Variants in RORB observed in about 807,000 individuals in gnomAD.
RORB encodes the protein nuclear receptor ROR-beta.
In RORB, 6 loss-of-function variants were observed where a neutral mutation model predicts 59.1. The ratio of observed to expected loss-of-function variants is 0.10; its 90% CI spans 0.06 to 0.20. RORB has a LOEUF of 0.20. Among genes scored for constraint, RORB ranks in the 10% least tolerant of loss-of-function variants. RORB has a pLI of 1.00. For synonymous variants in RORB, 215 were observed against 204.5 expected, an observed-to-expected ratio of 1.05 and a Z score of -0.44; for missense variants, 320 against 560.5, an observed-to-expected ratio of 0.57 and a Z score of 4.33.
At chr9:74,668,809 C>A (rs1301510053) in intron 8 of RORB, among the ~76,000 whole-genome samples, 32 of 152,118 alleles carry the variant, frequency 2.1e-4, no homozygotes, top group Admixed American at 2.0e-3. Flanking sequence ...GAAGGAAAAT[C>A]TTCATATAAC....
chr9:74,679,636 C>T (rs1415089448), intron 9 of RORB, among the ~76,000 whole-genome samples: 1 of 152,056 alleles, frequency 6.6e-6, no homozygotes, highest in African/African-American at 2.4e-5. Flanking sequence ...TGGCAGGTTT[C>T]GTTGAGGAAC....
At chr9:74,628,907 T>C (rs1459878695) in intron 1 of RORB, among the ~76,000 whole-genome samples, 2 of 152,156 alleles carry the variant, frequency 1.3e-5, no homozygotes, top group Non-Finnish European at 2.9e-5. Context: ...AAAATCATCT[T>C]ACCAAGAGGT....
At chr9:74,660,795 C>G (rs574546559) in intron 5 of RORB, 57 bp downstream of exon 5, 5 of 1,553,862 alleles carry the variant, frequency 3.2e-6, no homozygotes, top group Non-Finnish European at 3.5e-6. Flanking sequence ...CTGTGTTGCT[C>G]AAGCTCAGCA....
At chr9:74,621,042 A>C (rs1272934318) in intron 1 of RORB, among the ~76,000 whole-genome samples, 2 of 152,234 alleles carry the variant, frequency 1.3e-5, no homozygotes, top group Admixed American at 6.5e-5. Context: ...CTGTGCACTC[A>C]CCAACCCCCC....
intron 1 of RORB, among the ~76,000 whole-genome samples, chr9:74,538,454 T>G (rs1314234780): frequency 6.6e-6 from 1 of 152,096 alleles, no homozygotes; most frequent in Non-Finnish European, 1.5e-5. Flanking sequence ...ACTTTAGGAT[T>G]TGAAAAGCAG....
intron 1 of RORB, among the ~76,000 whole-genome samples, chr9:74,613,129 C>T (rs981910355): frequency 1.2e-4 from 18 of 152,132 alleles, no homozygotes; most frequent in African/African-American, 4.3e-4. Context: ...CATATCTCCA[C>T]GATGAACAAA....
At chr9:74,623,808 A>C (rs1823463542) in intron 1 of RORB, among the ~76,000 whole-genome samples, 1 of 152,226 alleles carries the variant, frequency 6.6e-6, no homozygotes, top group Admixed American at 6.5e-5. Flanking sequence ...GGTCCCACGC[A>C]CAAGTTATCC....
intron 1 of RORB, among the ~76,000 whole-genome samples, chr9:74,522,211 T>G: frequency 6.6e-6 from 1 of 151,762 alleles, no homozygotes; most frequent in East Asian, 1.9e-4. Flanking sequence ...TGTTTTACAT[T>G]TTCAGCCCTC....
intron 9 of RORB, among the ~76,000 whole-genome samples, chr9:74,676,619 G>A (rs918893740): frequency 6.6e-6 from 1 of 152,232 alleles, no homozygotes; most frequent in African/African-American, 2.4e-5. Flanking sequence ...GGTGGTTTTA[G>A]GCCCATAGCT....
chr9:74,587,980 T>C (rs1751590451), intron 1 of RORB, among the ~76,000 whole-genome samples: 1 of 152,202 alleles, frequency 6.6e-6, no homozygotes, highest in Non-Finnish European at 1.5e-5. Context: ...AATATAAATG[T>C]GCATAATTTG....
At chr9:74,543,115 C>T (rs1413341685) in intron 1 of RORB, among the ~76,000 whole-genome samples, 3 of 152,164 alleles carry the variant, frequency 2.0e-5, no homozygotes, top group South Asian at 2.1e-4. Flanking sequence ...TTCAGACAGA[C>T]GGGCCCATCA....
chr9:74,554,633 T>C (rs1305015498), intron 1 of RORB, among the ~76,000 whole-genome samples: 1 of 152,096 alleles, frequency 6.6e-6, no homozygotes, highest in Non-Finnish European at 1.5e-5. Context: ...TATCTGATCA[T>C]AGCTTCAATA....
intron 1 of RORB, among the ~76,000 whole-genome samples, chr9:74,521,592 A>G (rs1563927418): frequency 6.6e-6 from 1 of 151,872 alleles, no homozygotes; most frequent in Non-Finnish European, 1.5e-5. Context: ...TTTCAATAAT[A>G]TATTTCAGAA....
At chr9:74,569,168 ATTG>A (rs1487812292) in intron 1 of RORB, among the ~76,000 whole-genome samples, 7 of 152,102 alleles carry the variant, frequency 4.6e-5, no homozygotes, top group African/African-American at 1.7e-4. Flanking sequence ...ATAAAATGGA[ATTG>A]TTATTATTGT....
chr9:74,564,196 C>G (rs1188876043), intron 1 of RORB, among the ~76,000 whole-genome samples: 2 of 152,198 alleles, frequency 1.3e-5, no homozygotes, highest in East Asian at 3.9e-4. Context: ...CTTAGCCCCT[C>G]TGAGTCTCTG....
At chr9:74,544,522 T>G (rs1826459034) in intron 1 of RORB, among the ~76,000 whole-genome samples, 1 of 152,216 alleles carries the variant, frequency 6.6e-6, no homozygotes, top group Admixed American at 6.5e-5. Context: ...AGTTCTGTGC[T>G]AAATTGACAT....
chr9:74,637,874 C>T (rs1180749618), intron 3 of RORB, among the ~76,000 whole-genome samples: 1 of 152,094 alleles, frequency 6.6e-6, no homozygotes, highest in Non-Finnish European at 1.5e-5. Context: ...TTCTAGTGTT[C>T]ATTAGGCACA....
intron 5 of RORB, 143 bp from the exon 6 acceptor site, chr9:74,662,331 G>A (rs572671307): frequency 2.6e-6 from 2 of 758,422 alleles, no homozygotes; most frequent in Non-Finnish European, 4.2e-6. Flanking sequence ...TAAAAGTAGT[G>A]CCCTCCTTTT....
At chr9:74,547,484 A>G (rs1826518378) in intron 1 of RORB, among the ~76,000 whole-genome samples, 1 of 152,210 alleles carries the variant, frequency 6.6e-6, no homozygotes, top group Admixed American at 6.5e-5. Flanking sequence ...ATCACAGCCA[A>G]TTTGGGAAAT....
Sources: allele counts gnomAD v4.1 joint callset (sites outside exome capture counted in the v4.1 genomes callset), GRCh38; gene constraint gnomAD v4.1.1; transcripts MANE v1.5; gene names NCBI Gene and HGNC (gene_info 2026-07-23, HGNC 2026-07-21).